Variants in HNF4G observed in about 807,000 individuals in gnomAD.
HNF4G encodes hepatocyte nuclear factor 4-gamma.
Under a neutral mutation model 50.9 loss-of-function variants are expected in HNF4G, and 21 were observed. That is an observed-to-expected ratio of 0.41 (90% CI 0.29 to 0.59). The LOEUF (loss-of-function observed/expected upper bound fraction) is 0.59. Among genes scored for constraint, HNF4G ranks in the 20% least tolerant of loss-of-function variants. HNF4G has a pLI of 0.26. For missense variants in HNF4G, 527 were observed against 559.4 expected, an observed-to-expected ratio of 0.94 and a Z score of 0.58; for synonymous variants, 198 against 185.6, an observed-to-expected ratio of 1.07 and a Z score of -0.54.
chr8:75,551,485 G>A lies in HNF4G; in HGVS notation c.480G>A (p.Arg160=), dbSNP rs1585949457. ...SINTLAQAEV[R]SRQISVSSPG... ...ACACACTGGCACAAGCTGAAGTTCG[G>A]TCTCGCCAGGTACCTGTGGCACGGC... is the stretch of plus-strand genomic sequence containing the variant. The change falls in exon 4 of 10, where the codon CGG becomes CGA. Residue 160 remains arginine (R), a synonymous_variant. Coordinates refer to ENST00000396423, the MANE Select transcript of HNF4G (RefSeq NM_004133.5). 1 of 1,594,750 alleles carries A rather than the reference G, an allele frequency of 6.3e-7. No individual in the cohort carries two copies.
intron 1 of HNF4G, among the ~76,000 whole-genome samples, chr8:75,434,291 T>G (rs1016945024): frequency 2.6e-5 from 4 of 152,104 alleles, no homozygotes; most frequent in African/African-American, 9.7e-5. Flanking sequence ...CATGAGCCAC[T>G]GCGTCTGGCC....
intron 1 of HNF4G, among the ~76,000 whole-genome samples, chr8:75,469,515 G>A (rs1234466607): frequency 2.0e-5 from 3 of 152,042 alleles, no homozygotes; most frequent in Non-Finnish European, 2.9e-5. Flanking sequence ...TAATTAAAAA[G>A]GTTACTACTC....
At chr8:75,514,509 C>A (rs1322554262) in intron 2 of HNF4G, among the ~76,000 whole-genome samples, 1 of 151,548 alleles carries the variant, frequency 6.6e-6, no homozygotes, top group Non-Finnish European at 1.5e-5. Flanking sequence ...TGTGCCACCA[C>A]ACCTGGCTAA....
chr8:75,554,077 C>G (rs1807047572), intron 5 of HNF4G, among the ~76,000 whole-genome samples: 1 of 151,964 alleles, frequency 6.6e-6, no homozygotes. Flanking sequence ...GAGCGTTTCA[C>G]CTGGTGACAG....
upstream of HNF4G, among the ~76,000 whole-genome samples, chr8:75,537,609 A>C (rs1806502073): frequency 6.6e-6 from 1 of 152,160 alleles, no homozygotes; most frequent in South Asian, 2.1e-4. Flanking sequence ...AGATAAAAGC[A>C]AATCGACTAA....
intron 3 of HNF4G, among the ~76,000 whole-genome samples, chr8:75,549,176 TTAAA>T (rs1047741257): frequency 2.0e-5 from 3 of 152,332 alleles, no homozygotes; most frequent in South Asian, 2.1e-4. Flanking sequence ...TGTTATTTTC[TTAAA>T]TAAACTGGAA....
intron 1 of HNF4G, among the ~76,000 whole-genome samples, chr8:75,434,192 T>C (rs1811084216): frequency 1.3e-5 from 2 of 151,794 alleles, no homozygotes; most frequent in Non-Finnish European, 2.9e-5. Context: ...TTAGTACAGA[T>C]GAGGTTGTAC....
intron 2 of HNF4G, among the ~76,000 whole-genome samples, chr8:75,532,307 A>G (rs1806349014): frequency 6.6e-6 from 1 of 151,990 alleles, no homozygotes; most frequent in Non-Finnish European, 1.5e-5. Flanking sequence ...ATTTATACCA[A>G]TTATTTTTTC....
At chr8:75,483,254 A>AT (rs11378664) in intron 1 of HNF4G, among the ~76,000 whole-genome samples, 71,140 of 151,040 alleles carry the variant, frequency 0.47, 18,602 homozygotes, top group African/African-American at 0.72. Context: ...AAGTCACTTA[A>AT]TTTTTTTTTT....
intron 3 of HNF4G, among the ~76,000 whole-genome samples, chr8:75,548,609 T>A (rs1806858718): frequency 6.6e-6 from 1 of 152,172 alleles, no homozygotes; most frequent in Non-Finnish European, 1.5e-5. Context: ...TATGATTAAT[T>A]TAGAAACAAA....
intron 3 of HNF4G, among the ~76,000 whole-genome samples, chr8:75,549,062 G>C (rs76458560): frequency 0.02 from 3,078 of 152,222 alleles, 106 homozygotes; most frequent in African/African-American, 0.067. Context: ...CCACAAAAGT[G>C]TAAGCAAATA....
At chr8:75,547,524 CTGTT>C (rs1352971535) in intron 2 of HNF4G, 59 bp from the exon 3 acceptor site, 4 of 1,131,348 alleles carry the variant, frequency 3.5e-6, no homozygotes, top group Admixed American at 3.8e-5. Flanking sequence ...ATCCATTTGT[CTGTT>C]TATTTGCTTC....
intron 1 of HNF4G, among the ~76,000 whole-genome samples, chr8:75,468,256 A>G (rs1203304912): frequency 3.3e-5 from 5 of 152,098 alleles, no homozygotes; most frequent in Non-Finnish European, 7.4e-5. Flanking sequence ...ATATGCTGGT[A>G]TTCCCCAGGG....
intron 2 of HNF4G, among the ~76,000 whole-genome samples, chr8:75,513,645 G>C (rs544464040): frequency 6.6e-6 from 1 of 151,732 alleles, no homozygotes; most frequent in South Asian, 2.1e-4. Context: ...TATATCTATT[G>C]TGTTATTTTT....
At chr8:75,458,515 A>C (rs953188073) in intron 1 of HNF4G, among the ~76,000 whole-genome samples, 6 of 152,104 alleles carry the variant, frequency 3.9e-5, no homozygotes, top group Non-Finnish European at 8.8e-5. Flanking sequence ...ATATCTACTC[A>C]GACAACAACA....
At chr8:75,458,658 G>A (rs553324067) in intron 1 of HNF4G, among the ~76,000 whole-genome samples, 87 of 152,242 alleles carry the variant, frequency 5.7e-4, no homozygotes, top group African/African-American at 2.0e-3. Context: ...CCTGGTACAT[G>A]TGAATTGAAT....
chr8:75,483,465 T>C (rs1303029126), intron 1 of HNF4G, among the ~76,000 whole-genome samples: 1 of 152,146 alleles, frequency 6.6e-6, no homozygotes, highest in Non-Finnish European at 1.5e-5. Flanking sequence ...CCAGAGAAGT[T>C]CCCTCTGGTG....
chr8:75,486,133 C>T (rs1396192160), intron 1 of HNF4G, among the ~76,000 whole-genome samples: 1 of 152,210 alleles, frequency 6.6e-6, no homozygotes, highest in Non-Finnish European at 1.5e-5. Context: ...ATTACAGTCC[C>T]TGCCTTAACT....
At position 75,513,380 on chromosome 8, in the gene HNF4G, C is replaced by G. The variant is rs527486325; in HGVS notation, c.-24+23172C>G. On this transcript the variant is annotated intron_variant, in intron 2 of 10. Coordinates refer to the HNF4G transcript ENST00000354370. ...ATGACTTTATTCAGATTTTCTATTT[C>G]TTGTGATTAAATTTGTTAAATTTGT... 2.6e-5 allele frequency among the ~76,000 whole-genome samples: 4 copies of G among 152,234 alleles called. No individual in the cohort carries two copies. The South Asian group carries it at 8.3e-4, about 32-fold the overall frequency.
Sources: gnomAD v4.1 joint callset for allele counts (sites outside exome capture counted in the v4.1 genomes callset) on GRCh38, gnomAD v4.1.1 for gene constraint, MANE v1.5 for transcripts, NCBI Gene and HGNC (gene_info 2026-07-23, HGNC 2026-07-21) for gene names.